Variants in CELA3B observed in about 807,000 individuals in gnomAD.
CELA3B encodes chymotrypsin-like elastase family member 3B.
A neutral mutation model predicts 37.2 loss-of-function variants in CELA3B; 34 were observed. The observed-to-expected ratio is 0.91, with a 90% CI of 0.70 to 1.22. CELA3B has a LOEUF of 1.22. CELA3B is among the 50% of genes most tolerant of loss of function. CELA3B has a pLI of 0.00. For missense variants in CELA3B, 340 were observed against 363.1 expected (o/e 0.94, Z 0.52); for synonymous variants, 127 against 143.5 (o/e 0.89, Z 0.82).
At chr1:21,981,863 C>T (rs1248167867) in intron 4 of CELA3B, among the ~76,000 whole-genome samples, 2 of 151,918 alleles carry the variant, frequency 1.3e-5, no homozygotes, top group Non-Finnish European at 2.9e-5. Flanking sequence ...GTAGCTGGGA[C>T]TACAGGCGCC....
rs748572228 is a variant in CELA3B at position 21,986,596 on chromosome 1, C to T, written c.708C>T (p.Thr236=). ...GTGGCTGGCAGGTCCATGGCGTGAC[C>T]AGCTTTGTTTCTGCCTTTGGCTGCA... ...EDGGWQVHGV[T]SFVSAFGCNT... Residue 236 remains threonine, a synonymous_variant, in exon 7 of 8, where the codon ACC becomes ACT. Coordinates refer to ENST00000337107, the MANE Select transcript of CELA3B (RefSeq NM_007352.4). 3.7e-6 allele frequency: 6 copies of T among 1,614,126 alleles called. No homozygotes were observed. Among genetic ancestry groups the T allele is most frequent in the East Asian group, 2.2e-5 (1 of 44,872 alleles).
intron 4 of CELA3B, among the ~76,000 whole-genome samples, chr1:21,981,877 C>T (rs1029945474): frequency 1.8e-4 from 28 of 152,080 alleles, no homozygotes; most frequent in African/African-American, 4.1e-4. Context: ...AGGCGCCCGC[C>T]ACCACGCCTG....
intron 7 of CELA3B, among the ~76,000 whole-genome samples, chr1:21,988,807 A>G (rs1427270415): frequency 2.6e-5 from 4 of 151,396 alleles, no homozygotes; most frequent in African/African-American, 9.7e-5. Context: ...GGAGAATGGC[A>G]TGAACCCAAG....
Position 21,984,474 on chromosome 1 carries a change from G to A in CELA3B, c.642+143G>A, listed in dbSNP as rs550904827. ...CAGGCAGGACTTGGAGGAAATCAGC[G>A]CAGTCCAGACACAGAGCCCAGGCCT... On this transcript the variant is annotated intron_variant, in intron 6 of 7. Transcript: ENST00000337107. 89 of 1,173,992 alleles carry A rather than the reference G, an allele frequency of 7.6e-5. 1 individual carries two copies. In the South Asian group the frequency reaches 7.9e-4, roughly 10 times the overall value. 72.7% of individuals were successfully genotyped at this position (1,173,992 alleles called of 1,614,324 possible). A position where few individuals can be genotyped will look rare whatever the true frequency, so the allele number is the denominator to read the frequency against.
downstream of CELA3B, among the ~76,000 whole-genome samples, chr1:21,994,162 G>A (rs1208801443): frequency 3.3e-5 from 5 of 150,982 alleles, 1 homozygote; most frequent in Non-Finnish European, 7.4e-5. Flanking sequence ...TTGCTGTATC[G>A]TGGCTGGGCA....
At chr1:21,981,912 A>G (rs1242710259) in intron 4 of CELA3B, among the ~76,000 whole-genome samples, 1 of 151,906 alleles carries the variant, frequency 6.6e-6, no homozygotes, top group Non-Finnish European at 1.5e-5. Flanking sequence ...TTTTTAGTAG[A>G]GACGGGGTTT....
downstream of CELA3B, among the ~76,000 whole-genome samples, chr1:21,994,195 C>T (rs1232891820): frequency 2.0e-5 from 3 of 150,986 alleles, no homozygotes; most frequent in Non-Finnish European, 4.4e-5. Context: ...ATTTCCCAGG[C>T]ACCTATGACA....
At chr1:21,979,453 CTTTT>C (rs66459906) in intron 2 of CELA3B, among the ~76,000 whole-genome samples, 72 of 85,444 alleles carry the variant, frequency 8.4e-4, no homozygotes, top group African/African-American at 2.9e-3. Flanking sequence ...CTTTTCTTTT[CTTTT>C]TTTTTTTTTT....
At chr1:21,984,986 AT>A (rs529100684) in intron 6 of CELA3B, among the ~76,000 whole-genome samples, 15 of 152,122 alleles carry the variant, frequency 9.9e-5, no homozygotes, top group African/African-American at 3.6e-4. Context: ...AACATTAAGA[AT>A]ACCATCATTG....
intron 4 of CELA3B, among the ~76,000 whole-genome samples, chr1:21,997,917 G>T (rs952083530): frequency 3.3e-5 from 5 of 151,272 alleles, no homozygotes; most frequent in Non-Finnish European, 7.4e-5. Flanking sequence ...GAGAAAAGAA[G>T]GAAGTTAATC....
chr1:21,984,956 T>A (rs928644059), intron 6 of CELA3B, among the ~76,000 whole-genome samples: 3 of 151,404 alleles, frequency 2.0e-5, no homozygotes, highest in South Asian at 2.1e-4. Context: ...AAAAAAAAAA[T>A]AATAATAAAG....
intron 5 of CELA3B, among the ~76,000 whole-genome samples, 163 bp from the exon 6 acceptor site, chr1:21,984,026 G>A (rs3820288): frequency 0.044 from 6,697 of 152,300 alleles, 315 homozygotes; most frequent in African/African-American, 0.12. Flanking sequence ...TGTGTGCCAC[G>A]TGCTAGGGAT....
intron 6 of CELA3B, among the ~76,000 whole-genome samples, chr1:21,985,190 G>A (rs943268169): frequency 2.0e-5 from 3 of 152,036 alleles, no homozygotes; most frequent in African/African-American, 7.2e-5. Flanking sequence ...GGCTGAGGTG[G>A]GAGGATTGTT....
chr1:21,983,958 T>A (rs1644822139), intron 5 of CELA3B, 128 bp downstream of exon 5: 4 of 1,437,684 alleles, frequency 2.8e-6, no homozygotes, highest in Non-Finnish European at 3.8e-6. Context: ...AGCTGCAGCC[T>A]TCTCCCACCA....
Position 21,977,071 on chromosome 1 carries a change from T to C in CELA3B, c.32T>C (p.Leu11Pro), listed in dbSNP as rs1644776383. The C allele has an allele frequency of 1.2e-6, 2 of 1,614,078 alleles. No individual in the cohort carries two copies. The highest frequency in any genetic ancestry group is 1.7e-6 in the Non-Finnish European group (2 of 1,180,050). ...CTCCGGCTGCTCAGTTCCCTCCTCC[T>C]TGTGGCCGTTGGTAAGACCCCAACC... Reference protein sequence around the residue: MMLRLLSSLLLVAVASGYGPP... With the variant: MMLRLLSSLLPVAVASGYGPP... The change falls in exon 1 of 8, where the codon CTT becomes CCT. Residue 11 changes from leucine (L) to proline (P), a missense_variant. Transcript: ENST00000337107.
At chr1:21,983,203 A>C (rs1472534984) in intron 4 of CELA3B, among the ~76,000 whole-genome samples, 2 of 152,044 alleles carry the variant, frequency 1.3e-5, no homozygotes, top group African/African-American at 4.8e-5. Flanking sequence ...TAATTAACAA[A>C]AATTAGCCAA....
At position 21,981,081 on chromosome 1, in the gene CELA3B, G is replaced by A. The variant is rs765486887; in HGVS notation, c.271G>A (p.Ala91Thr). The A allele has an allele frequency of 5.6e-6, 9 of 1,613,834 alleles. No homozygotes were observed. The highest frequency in any genetic ancestry group is 2.7e-5 in the African/African-American group (2 of 74,926). ...GGTGGTGTTGGGCGAGTACGACCGT[G>A]CTGTGAAGGAGGGCCCCGAGCAGGT... is the stretch of plus-strand genomic sequence containing the variant. ...YQVVLGEYDR[A>T]VKEGPEQVIP... The change falls in exon 4 of 8, where the codon GCT becomes ACT. Residue 91 changes from alanine (A) to threonine (T), a missense_variant. Transcript: ENST00000337107.
intron 7 of CELA3B, among the ~76,000 whole-genome samples, chr1:21,988,978 T>TATAC (rs1644856962): frequency 6.6e-6 from 1 of 151,856 alleles, no homozygotes; most frequent in Non-Finnish European, 1.5e-5. Context: ...CGTATATATA[T>TATAC]ACACACACAC....
At chr1:21,989,042 C>G (rs1306191157) in intron 7 of CELA3B, among the ~76,000 whole-genome samples, 1 of 151,846 alleles carries the variant, frequency 6.6e-6, no homozygotes, top group Non-Finnish European at 1.5e-5. Flanking sequence ...TCATGCTGGC[C>G]ATTGTAGAGA....
Sources: allele counts gnomAD v4.1 joint callset (sites outside exome capture counted in the v4.1 genomes callset), GRCh38; gene constraint gnomAD v4.1.1; transcripts MANE v1.5; gene names NCBI Gene and HGNC (gene_info 2026-07-23, HGNC 2026-07-21).